Variants in SENP7 observed in about 807,000 individuals in gnomAD.
SENP7 encodes sentrin-specific protease 7.
In SENP7, 64 loss-of-function variants were observed where a neutral mutation model predicts 141.2. The ratio of observed to expected loss-of-function variants is 0.45; its 90% CI spans 0.37 to 0.56. The LOEUF is 0.56. Among genes scored for constraint, SENP7 ranks in the 20% least tolerant of loss-of-function variants. The pLI is 0.00. For synonymous variants in SENP7, 382 were observed against 426.4 expected (o/e 0.90, Z 1.28); for missense variants, 1,025 against 1,212.2 (o/e 0.85, Z 2.29).
chr3:101,340,129 A>G lies in SENP7; in HGVS notation c.2323T>C (p.Phe775Leu), dbSNP rs1441316758. ...EDLECLEEGE[F>L]LNDVIIDFYL... Reference sequence around the variant, plus strand: ...AAATCAATGATTACATCATTAAGAAACTCTCCTTCTTCTAAACACTCCAGA... The same window carrying G: ...AAATCAATGATTACATCATTAAGAAGCTCTCCTTCTTCTAAACACTCCAGA... The change falls in exon 16 of 24, where the codon TTT becomes CTT. Residue 775 changes from phenylalanine (F) to leucine (L), a missense_variant. By Grantham distance (22) the Phe-to-Leu change is conservative. Transcript: ENST00000394095. 1 of 1,596,672 alleles carries G rather than the reference A, an allele frequency of 6.3e-7. No homozygotes were observed. Among genetic ancestry groups the G allele is most frequent in the African/African-American group, 1.4e-5 (1 of 74,056 alleles).
At chr3:101,434,358 T>C (rs1435539085) in intron 4 of SENP7, among the ~76,000 whole-genome samples, 2 of 151,696 alleles carry the variant, frequency 1.3e-5, no homozygotes, top group South Asian at 2.1e-4. Flanking sequence ...AACTATCTAA[T>C]GATGCATCTT....
chr3:101,344,783 T>A lies in SENP7; in HGVS notation c.1838-829A>T, dbSNP rs148014672. ...TAAAGACTGAAGGCAAAGACTTCTA[T>A]ATTTTATTTAACTTTGCTGCAAATT... On this transcript the variant is annotated intron_variant, in intron 13 of 23. Coordinates refer to ENST00000394095, the MANE Select transcript of SENP7 (RefSeq NM_020654.5). Among the ~76,000 whole-genome samples, 106 of 152,186 alleles carry A rather than the reference T, an allele frequency of 7.0e-4. No homozygotes were observed. In the East Asian group the frequency reaches 0.017, roughly 25 times the overall value.
intron 1 of SENP7, among the ~76,000 whole-genome samples, chr3:101,507,429 T>C (rs951558805): frequency 6.6e-6 from 1 of 152,232 alleles, no homozygotes; most frequent in Non-Finnish European, 1.5e-5. Flanking sequence ...TCACACCTCA[T>C]ATAATTGAAT....
At chr3:101,443,231 G>C (rs548645874) in intron 4 of SENP7, among the ~76,000 whole-genome samples, 129 of 152,204 alleles carry the variant, frequency 8.5e-4, no homozygotes, top group African/African-American at 2.9e-3. Flanking sequence ...GCTTGTTTTT[G>C]TTAGGTTTGT....
chr3:101,500,665 GA>G (rs1028508177), intron 2 of SENP7, among the ~76,000 whole-genome samples: 12 of 152,056 alleles, frequency 7.9e-5, no homozygotes, highest in African/African-American at 2.9e-4. Flanking sequence ...AGAAATAAAT[GA>G]AAAAAAGAGG....
intron 15 of SENP7, 142 bp from the exon 16 acceptor site, chr3:101,340,353 AATG>A (rs1361679321): frequency 7.7e-6 from 8 of 1,040,252 alleles, no homozygotes; most frequent in African/African-American, 6.7e-5. Context: ...AGGCATAAAT[AATG>A]ATATTTTCCT....
intron 2 of SENP7, among the ~76,000 whole-genome samples, chr3:101,498,305 A>C (rs1186174252): frequency 6.6e-6 from 1 of 152,218 alleles, no homozygotes; most frequent in East Asian, 1.9e-4. Flanking sequence ...AAGTAACTTT[A>C]CAATGGAGGA....
At chr3:101,511,015 G>A (rs144205651) in intron 1 of SENP7, among the ~76,000 whole-genome samples, 2,166 of 152,166 alleles carry the variant, frequency 0.014, 22 homozygotes, top group Middle Eastern at 0.044. Flanking sequence ...AAAAGCAGAA[G>A]CATACTTAAA....
At position 101,361,719 on chromosome 3, in the gene SENP7, A is replaced by G; in HGVS notation, c.1619T>C (p.Val540Ala). ...AATTAAAGAAAATATACTTACTGTA[A>G]CACAACCTTTAGAAGCTCCTTTTAT... ...GKIKGASKGC[V>A]TITKKYIKIP... The change falls in exon 11 of 24, where the codon GTT becomes GCT. Residue 540 changes from valine to alanine, a missense_variant. Physicochemically the swap from Val to Ala is moderately conservative, Grantham distance 64. Transcript: ENST00000394095. 6.4e-7 allele frequency: 1 copy of G among 1,567,896 alleles called. No individual in the cohort carries two copies. The highest frequency in any genetic ancestry group is 1.2e-5 in the South Asian group (1 of 80,092).
chr3:101,375,060 C>T (rs1387182993), intron 6 of SENP7, among the ~76,000 whole-genome samples: 1 of 151,990 alleles, frequency 6.6e-6, no homozygotes, highest in Non-Finnish European at 1.5e-5. Context: ...AACAATATAC[C>T]ATTTCACACA....
intron 4 of SENP7, among the ~76,000 whole-genome samples, chr3:101,437,777 T>C (rs1219362162): frequency 6.6e-6 from 1 of 152,102 alleles, no homozygotes; most frequent in Non-Finnish European, 1.5e-5. Flanking sequence ...AAAATAAGCA[T>C]AGGGCTTGTG....
chr3:101,476,680 T>C (rs1214946334), intron 3 of SENP7, among the ~76,000 whole-genome samples: 3 of 152,210 alleles, frequency 2.0e-5, no homozygotes, highest in Non-Finnish European at 1.5e-5. Flanking sequence ...CGCCACACTG[T>C]CTTCCACAAG....
intron 1 of SENP7, among the ~76,000 whole-genome samples, chr3:101,512,424 T>G (rs1490355731): frequency 6.6e-6 from 1 of 152,168 alleles, no homozygotes; most frequent in Non-Finnish European, 1.5e-5. Flanking sequence ...TAAAACAAAG[T>G]AACGTCCAAA....
intron 7 of SENP7, among the ~76,000 whole-genome samples, chr3:101,368,257 A>G (rs531536855): frequency 6.6e-6 from 1 of 152,202 alleles, no homozygotes; most frequent in East Asian, 1.9e-4. Flanking sequence ...ATAAAGAAGA[A>G]ATATCCTTTT....
At chr3:101,460,213 T>C (rs2141180) in intron 3 of SENP7, among the ~76,000 whole-genome samples, 103,538 of 152,044 alleles carry the variant, frequency 0.68, 35,766 homozygotes, top group African/African-American at 0.78. Flanking sequence ...ACTGATCTGA[T>C]GATTAATTGC....
chr3:101,511,950 G>T (rs2065877684), intron 1 of SENP7, among the ~76,000 whole-genome samples: 1 of 152,170 alleles, frequency 6.6e-6, no homozygotes. Flanking sequence ...CTCCTGAGTA[G>T]CTGGGACTAC....
At position 101,366,772 on chromosome 3, in the gene SENP7, A is replaced by G; in HGVS notation, c.979-3T>C. The G allele has an allele frequency of 6.4e-7, 1 of 1,557,028 alleles. No homozygotes were observed. Among genetic ancestry groups the G allele is most frequent in the Non-Finnish European group, 8.7e-7 (1 of 1,149,520 alleles). ...GTTGAGTCATCTTCTTGTTTTTTCTAAACATAAACACATAGAAAAAAATAG... is the reference window on the plus strand; with the variant it reads ...GTTGAGTCATCTTCTTGTTTTTTCTGAACATAAACACATAGAAAAAAATAG... On this transcript the variant is annotated splice_region_variant and splice_polypyrimidine_tract_variant and intron_variant, in intron 8 of 23. Coordinates refer to ENST00000394095, the MANE Select transcript of SENP7 (RefSeq NM_020654.5).
intron 3 of SENP7, among the ~76,000 whole-genome samples, chr3:101,470,523 GA>G (rs2063944920): frequency 6.6e-6 from 1 of 152,154 alleles, no homozygotes. Context: ...AGCTATCTAT[GA>G]CAGACCCACA....
intron 7 of SENP7, among the ~76,000 whole-genome samples, chr3:101,370,520 A>G (rs1357412369): frequency 6.6e-6 from 1 of 152,160 alleles, no homozygotes; most frequent in Non-Finnish European, 1.5e-5. Context: ...TAGTTTAAAT[A>G]ATCTCTAGAT....
Sources: gnomAD v4.1 joint callset for allele counts (sites outside exome capture counted in the v4.1 genomes callset) on GRCh38, gnomAD v4.1.1 for gene constraint, MANE v1.5 for transcripts, NCBI Gene and HGNC (gene_info 2026-07-23, HGNC 2026-07-21) for gene names.